Variants in ENPP3 observed in about 807,000 individuals in gnomAD.
The protein encoded by ENPP3 is ectonucleotide pyrophosphatase/phosphodiesterase 3, also known as ectonucleotide pyrophosphatase/phosphodiesterase family member 3.
In ENPP3, 104 loss-of-function variants were observed where a neutral mutation model predicts 117.8. The ratio of observed to expected loss-of-function variants is 0.88; its 90% confidence interval spans 0.75 to 1.04. The LOEUF (loss-of-function observed/expected upper bound fraction) is 1.04. Ranked by LOEUF, ENPP3 falls within the 50% of genes least tolerant of loss-of-function variation. The probability of loss-of-function intolerance (pLI) is 0.00; values close to 1 mark genes in which losing one functional copy is unlikely to be tolerated. For missense variants in ENPP3, 1,026 were observed against 1,051.9 expected (o/e 0.98, Z 0.34); for synonymous variants, 380 against 349.9 (o/e 1.09, Z -0.96).
At position 131,720,283 on chromosome 6, in the gene ENPP3, A is replaced by G; in HGVS notation, c.1480-9A>G. The G allele has an allele frequency of 2.0e-6, 3 of 1,527,648 alleles. No individual in the cohort carries two copies. Among genetic ancestry groups the G allele is most frequent in the South Asian group, 2.4e-5 (2 of 83,538 alleles). The allele number at this position is 1,527,648 out of a possible 1,614,324, so 94.6% of individuals were successfully genotyped here. A position where few individuals can be genotyped will look rare whatever the true frequency, so the allele number is the denominator to read the frequency against. The stretch of plus-strand genomic sequence containing the variant: ...ATCTAATAATAATAATCTGACTATT[A>G]TGACCTAGGCTATCTTTCTGGCACA... On this transcript the variant is annotated splice_polypyrimidine_tract_variant and intron_variant, in intron 16 of 24. Coordinates refer to ENST00000357639, the MANE Select transcript of ENPP3 (RefSeq NM_005021.5).
intron 14 of ENPP3, among the ~76,000 whole-genome samples, chr6:131,691,310 C>G (rs1301213944): frequency 6.6e-6 from 1 of 152,012 alleles, no homozygotes; most frequent in Non-Finnish European, 1.5e-5. Flanking sequence ...CAAAAACGGC[C>G]GGGCGCGGTG....
chr6:131,689,719 T>C (rs1281608593), intron 14 of ENPP3, among the ~76,000 whole-genome samples: 2 of 152,216 alleles, frequency 1.3e-5, no homozygotes, highest in South Asian at 2.1e-4. Context: ...TTCATAAGAC[T>C]ATTGTCATAA....
Position 131,726,182 on chromosome 6 carries a change from A to G in ENPP3, c.1935A>G (p.Ser645=). The change falls in exon 20 of 25, where the codon TCA becomes TCG. Residue 645 remains serine (S), a synonymous_variant. Transcript: ENST00000357639. ...CTATGAGGATGCCCATGTGGAGTTC[A>G]TACACAGTCCCCCAGTTGGTAAGTT... The part of the protein sequence containing the change: ...GKAMRMPMWS[S]YTVPQLGDTS... The G allele has an allele frequency of 6.2e-7, 1 of 1,613,910 alleles. No individual in the cohort carries two copies. The highest frequency in any genetic ancestry group is 8.5e-7 in the Non-Finnish European group (1 of 1,179,846).
chr6:131,648,699 T>A (rs1482804995), intron 2 of ENPP3, among the ~76,000 whole-genome samples: 1 of 152,194 alleles, frequency 6.6e-6, no homozygotes, highest in Non-Finnish European at 1.5e-5. Context: ...CTAGACACAC[T>A]ATTATAACCT....
At chr6:131,725,322 C>T (rs1351905806) in intron 19 of ENPP3, among the ~76,000 whole-genome samples, 1 of 152,138 alleles carries the variant, frequency 6.6e-6, no homozygotes, top group Non-Finnish European at 1.5e-5. Context: ...ATTTACTTCT[C>T]ATAGTTCTGG....
chr6:131,661,036 C>T (rs1019288432), intron 6 of ENPP3, among the ~76,000 whole-genome samples: 1 of 152,134 alleles, frequency 6.6e-6, no homozygotes, highest in African/African-American at 2.4e-5. Context: ...AAGTTTCATC[C>T]ATGTTATCAC....
chr6:131,664,890 G>C (rs1378411381), intron 6 of ENPP3, among the ~76,000 whole-genome samples: 3 of 152,074 alleles, frequency 2.0e-5, no homozygotes, highest in Non-Finnish European at 4.4e-5. Context: ...ACATTTCTAG[G>C]AATGTATCCC....
intron 13 of ENPP3, 94 bp downstream of exon 13, chr6:131,685,589 C>T (rs1412945100): frequency 4.8e-6 from 6 of 1,251,526 alleles, no homozygotes; most frequent in Middle Eastern, 1.9e-4. Context: ...GGTTATCAGA[C>T]CCTCTACTGA....
rs1299213724 is a variant in ENPP3 at position 131,650,032 on chromosome 6, T to C, written c.160T>C (p.Cys54Arg). 6.2e-7 allele frequency: 1 copy of C among 1,613,940 alleles called. No individual in the cohort carries two copies. Among genetic ancestry groups the C allele is most frequent in the Admixed American group, 1.7e-5 (1 of 59,990 alleles). Residue 54 changes from cysteine (C) to arginine (R), a missense_variant, in exon 3 of 25, where the codon TGC (cysteine) becomes CGC (arginine). Coordinates refer to ENST00000357639, the MANE Select transcript of ENPP3 (RefSeq NM_005021.5). ...GLRKLEKQGS[C>R]RKKCFDASFR... ...CTATTTCCTTTACTTTGTAGGCAGC[T>C]GCAGGAAGAAGTGCTTTGATGCATC... is the stretch of plus-strand genomic sequence containing the variant.
chr6:131,673,903 T>G (rs531586224), intron 7 of ENPP3, among the ~76,000 whole-genome samples: 1 of 152,262 alleles, frequency 6.6e-6, no homozygotes, highest in Admixed American at 6.5e-5. Context: ...ATAGGTTATA[T>G]GCAAATCCCA....
intron 18 of ENPP3, 79 bp downstream of exon 18, chr6:131,722,484 GCAA>G (rs1780058015): frequency 8.8e-7 from 1 of 1,135,086 alleles, no homozygotes; most frequent in Non-Finnish European, 1.3e-6. Context: ...AACTGGGGTA[GCAA>G]CAACCAGGTT....
At chr6:131,679,421 G>A (rs1004186756) in intron 11 of ENPP3, among the ~76,000 whole-genome samples, 10 of 151,134 alleles carry the variant, frequency 6.6e-5, no homozygotes, top group Admixed American at 3.3e-4. Context: ...ACTGTTAGCC[G>A]TGTTTGATAT....
Position 131,740,245 on chromosome 6 carries a change from T to A in ENPP3, c.2322T>A (p.Val774=), listed in dbSNP as rs561837440. 3 of 1,602,888 alleles carry A rather than the reference T, an allele frequency of 1.9e-6. No homozygotes were observed. The highest frequency in any genetic ancestry group is 3.4e-5 in the Admixed American group (2 of 58,202). The change falls in exon 24 of 25, where the codon GTT becomes GTA. Residue 774 remains valine, a synonymous_variant. Transcript: ENST00000357639. The stretch of plus-strand genomic sequence containing the variant: ...TAAGACATTTAGCCAACACTGATGT[T>A]CCCATCCCAACACACTACTTTGTGG... The part of the protein sequence containing the change: ...EITKHLANTD[V]PIPTHYFVVL...
chr6:131,649,205 A>G (rs918957892), intron 2 of ENPP3, among the ~76,000 whole-genome samples: 1 of 152,004 alleles, frequency 6.6e-6, no homozygotes, highest in Non-Finnish European at 1.5e-5. Context: ...TTAGTTCAGG[A>G]GTTTCCATCC....
chr6:131,670,564 C>G (rs1380932968), intron 6 of ENPP3, among the ~76,000 whole-genome samples: 2 of 152,182 alleles, frequency 1.3e-5, no homozygotes, highest in Non-Finnish European at 2.9e-5. Flanking sequence ...GATGACAGCT[C>G]ACTGCCGTCT....
Position 131,675,207 on chromosome 6 carries a change from G to A in ENPP3, c.872+18G>A. Reference sequence around the variant, plus strand: ...TACAACGGGTAGTGAAGCACTTTCAGATATTCTCCCAGCTAGGCAGAAATG... The same window carrying A: ...TACAACGGGTAGTGAAGCACTTTCAAATATTCTCCCAGCTAGGCAGAAATG... On this transcript the variant is annotated intron_variant, in intron 9 of 24. Transcript: ENST00000357639. 1 of 1,320,062 alleles carries A rather than the reference G, an allele frequency of 7.6e-7. No individual in the cohort carries two copies. The highest frequency in any genetic ancestry group is 1.2e-5 in the South Asian group (1 of 84,930). 81.8% of individuals were successfully genotyped at this position (1,320,062 alleles called of 1,614,324 possible). A position where few individuals can be genotyped will look rare whatever the true frequency, so the allele number is the denominator to read the frequency against.
intron 9 of ENPP3, among the ~76,000 whole-genome samples, chr6:131,675,581 A>T (rs762738390): frequency 6.6e-6 from 1 of 152,124 alleles, no homozygotes; most frequent in Non-Finnish European, 1.5e-5. Flanking sequence ...TAATCCCAGC[A>T]GTTTGGGAGG....
intron 17 of ENPP3, among the ~76,000 whole-genome samples, chr6:131,721,365 G>A (rs1398820131): frequency 6.6e-6 from 1 of 152,196 alleles, no homozygotes; most frequent in East Asian, 1.9e-4. Context: ...AAAATGGTGT[G>A]TTGTAGGCTT....
chr6:131,732,297 A>G (rs1472960683), intron 20 of ENPP3, among the ~76,000 whole-genome samples: 1 of 152,260 alleles, frequency 6.6e-6, no homozygotes, highest in African/African-American at 2.4e-5. Context: ...TGCTAATCAA[A>G]ATATGATGAC....
Sources: gnomAD v4.1 joint callset for allele counts (sites outside exome capture counted in the v4.1 genomes callset) on GRCh38, gnomAD v4.1.1 for gene constraint, MANE v1.5 for transcripts, NCBI Gene and HGNC (gene_info 2026-07-23, HGNC 2026-07-21) for gene names.